The following ASPHD2 variants were observed in gnomAD, a reference collection of about 807,000 sequenced individuals.
ASPHD2 encodes the protein aspartate beta-hydroxylase domain containing 2.
ASPHD2 carries 12 observed loss-of-function variants against 34.6 expected under a neutral mutation model. The ratio of observed to expected loss-of-function variants is 0.35; its 90% confidence interval spans 0.22 to 0.56. The LOEUF (loss-of-function observed/expected upper bound fraction) is 0.56, where lower values mean the gene tolerates loss of function less well. Ranked by LOEUF, ASPHD2 falls within the 20% of genes least tolerant of loss-of-function variation. The probability of loss-of-function intolerance (pLI) is 0.87; values close to 1 mark genes in which losing one functional copy is unlikely to be tolerated. For missense variants in ASPHD2, 375 were observed against 505.0 expected, an observed-to-expected ratio of 0.74 and a Z score of 2.47; for synonymous variants, 224 against 212.2, an observed-to-expected ratio of 1.06 and a Z score of -0.48.
At position 26,443,334 on chromosome 22, in the gene ASPHD2, G is replaced by T. The variant is rs923010241; in HGVS notation, c.*128G>T. The T allele has an allele frequency of 2.0e-5, 15 of 733,066 alleles. No homozygotes were observed. The African/African-American group carries it at 2.7e-4, about 13-fold the overall frequency. 45.4% of individuals were successfully genotyped at this position (733,066 alleles called of 1,614,324 possible). ...CTGCCTCAGCGGAAAGCTCTTATTTGGGATTTTATATCATGTCGGGTCCCT... is the reference window on the plus strand; with the variant it reads ...CTGCCTCAGCGGAAAGCTCTTATTTTGGATTTTATATCATGTCGGGTCCCT... On this transcript the variant is annotated 3_prime_UTR_variant, in exon 4 of 4. Coordinates refer to ENST00000215906, the MANE Select transcript of ASPHD2 (RefSeq NM_020437.5).
chr22:26,443,050 C>A, intron 3 of ASPHD2, 47 bp from the exon 4 acceptor site: 1 of 1,418,682 alleles, frequency 7.0e-7, no homozygotes, highest in Non-Finnish European at 1.0e-6. Context: ...TGGGTCCTGA[C>A]TCCAGGGTGG....
chr22:26,430,193 C>A (rs1463155093), intron 1 of ASPHD2, among the ~76,000 whole-genome samples: 2 of 152,246 alleles, frequency 1.3e-5, no homozygotes, highest in Non-Finnish European at 2.9e-5. Flanking sequence ...GTGCTGCTCA[C>A]TGGGGGGCTT....
intron 2 of ASPHD2, among the ~76,000 whole-genome samples, chr22:26,434,921 C>T (rs931547058): frequency 4.6e-5 from 7 of 152,164 alleles, no homozygotes; most frequent in African/African-American, 1.7e-4. Context: ...GAGCCAAAGA[C>T]TTGTTAAAAT....
chr22:26,439,566 T>C (rs542980571), intron 2 of ASPHD2, among the ~76,000 whole-genome samples: 1 of 152,322 alleles, frequency 6.6e-6, no homozygotes, highest in African/African-American at 2.4e-5. Context: ...TTTTAGCAGG[T>C]CATTTAACTT....
chr22:26,435,811 A>C (rs1241688778), intron 2 of ASPHD2, among the ~76,000 whole-genome samples: 1 of 152,190 alleles, frequency 6.6e-6, no homozygotes, highest in Non-Finnish European at 1.5e-5. Context: ...TTCAAGAGTA[A>C]AGGGCGGACT....
chr22:26,434,192 C>G lies in ASPHD2; in HGVS notation c.577C>G (p.Arg193Gly), dbSNP rs770815305. 1.4e-5 allele frequency: 22 copies of G among 1,613,496 alleles called. No homozygotes were observed. The highest frequency in any genetic ancestry group is 1.8e-5 in the Non-Finnish European group (21 of 1,179,860). Residue 193 changes from arginine to glycine, a missense_variant, in exon 2 of 4, where the codon CGG becomes GGG. By Grantham distance (125) the Arg-to-Gly change is moderately radical (BLOSUM62 -2). Transcript: ENST00000215906. ...AQKHDVEVLE[R>G]NFQTILCEFE... ...GAAACATGATGTGGAAGTGCTGGAACGGAACTTCCAGACCATCCTGTGTGA... is the reference window on the plus strand; with the variant it reads ...GAAACATGATGTGGAAGTGCTGGAAGGGAACTTCCAGACCATCCTGTGTGA...
rs186944778 is a variant in ASPHD2, at chr22:26,434,529, G to A, written c.886+28G>A. ...ATGTTGCAAGGACAGGGGTCTCCCG[G>A]CATGCACATTTGCAAGCTCAGCCCC... On this transcript the variant is annotated intron_variant, in intron 2 of 3. Coordinates refer to ENST00000215906, the MANE Select transcript of ASPHD2 (RefSeq NM_020437.5). 1,037 of 1,536,442 alleles carry A rather than the reference G, an allele frequency of 6.7e-4. 6 individuals are homozygous for A. In the African/African-American group the frequency reaches 8.4e-3, roughly 12 times the overall value.
At chr22:26,442,857 C>T (rs761311872) in intron 3 of ASPHD2, among the ~76,000 whole-genome samples, 88 of 152,122 alleles carry the variant, frequency 5.8e-4, no homozygotes, top group Admixed American at 2.9e-3. Context: ...GTTTCACTGC[C>T]GTAAAAATTC....
At chr22:26,437,232 G>A (rs2084798061) in intron 2 of ASPHD2, among the ~76,000 whole-genome samples, 1 of 152,218 alleles carries the variant, frequency 6.6e-6, no homozygotes, top group Non-Finnish European at 1.5e-5. Context: ...TGGTTACCTG[G>A]CTGAAGGTAG....
rs781255273 is a variant in ASPHD2, at chr22:26,442,578, T to G, written c.1000+6T>G. 6.4e-7 allele frequency: 1 copy of G among 1,570,386 alleles called. No homozygotes were observed. The highest frequency in any genetic ancestry group is 8.7e-7 in the Non-Finnish European group (1 of 1,154,152). ...GCATGCTGCGTTCCATGAAGGTGAG[T>G]GGCTGCCTTTCCCACTTCCTTTTTT... On this transcript the variant is annotated splice_donor_region_variant and intron_variant, in intron 3 of 3. Coordinates refer to ENST00000215906, the MANE Select transcript of ASPHD2 (RefSeq NM_020437.5).
chr22:26,433,930 C>G lies in ASPHD2; in HGVS notation c.315C>G (p.Tyr105Ter). 6.2e-7 allele frequency: 1 copy of G among 1,613,548 alleles called. No individual in the cohort carries two copies. Among genetic ancestry groups the G allele is most frequent in the Non-Finnish European group, 8.5e-7 (1 of 1,180,040 alleles). ...AADANGLQNG[Y>*]VYCQSPECVR... Reference sequence around the variant, plus strand: ...ATGCCAACGGGCTGCAGAATGGCTACGTGTACTGCCAGTCCCCTGAGTGCG... The same window carrying G: ...ATGCCAACGGGCTGCAGAATGGCTAGGTGTACTGCCAGTCCCCTGAGTGCG... Residue 105 changes from tyrosine (Y) to a stop codon, truncating the protein, a stop_gained, in exon 2 of 4, where the codon TAC becomes TAG. Transcript: ENST00000215906. LOFTEE classifies it high-confidence loss of function. This position sits in a 1 kb window ranked among gnomAD's most constrained non-coding sequence, Gnocchi z 5.1.
rs765328686 is a variant in ASPHD2, at chr22:26,433,683, A to C, written c.68A>C (p.Asp23Ala). 4.0e-5 allele frequency: 64 copies of C among 1,613,122 alleles called. No homozygotes were observed. The highest frequency in any genetic ancestry group is 5.3e-5 in the Non-Finnish European group (63 of 1,179,852). ...CLTLLHTPSK[D>A]SPKMSLEWLV... ...ACCTTGCTTCACACGCCCAGTAAGG[A>C]CTCCCCCAAGATGTCGCTCGAGTGG... The change falls in exon 2 of 4, where the codon GAC (aspartate) becomes GCC (alanine). Residue 23 changes from aspartate to alanine, a missense_variant. Physicochemically the swap from Asp to Ala is moderately radical, Grantham distance 126. This residue lies in a region of ASPHD2 where 223 missense variants were observed against 257.8 expected (regional missense o/e 0.87). Transcript: ENST00000215906. The surrounding 1 kb of genome is among the most constrained non-coding windows in gnomAD (Gnocchi z 5.1).
chr22:26,443,093 C>G lies in ASPHD2; in HGVS notation c.1001-4C>G, dbSNP rs75079091. Reference sequence around the variant, plus strand: ...CTGTCCTCTCACCCCTCCTTCCCCCCCAGGTTCAGCAGAGGATGGCCCACG... The same window carrying G: ...CTGTCCTCTCACCCCTCCTTCCCCCGCAGGTTCAGCAGAGGATGGCCCACG... On this transcript the variant is annotated splice_region_variant and splice_polypyrimidine_tract_variant and intron_variant, in intron 3 of 3. Transcript: ENST00000215906. 9.7e-5 allele frequency: 156 copies of G among 1,611,920 alleles called. No homozygotes were observed. Among genetic ancestry groups the G allele is most frequent in the Middle Eastern group, 3.3e-4 (2 of 6,082 alleles).
intron 2 of ASPHD2, among the ~76,000 whole-genome samples, chr22:26,436,827 G>C (rs1370052632): frequency 1.4e-5 from 2 of 147,604 alleles, no homozygotes; most frequent in African/African-American, 5.1e-5. Flanking sequence ...TTGTTCATCT[G>C]TATGATATGC....
intron 2 of ASPHD2, among the ~76,000 whole-genome samples, chr22:26,437,677 A>G (rs545601967): frequency 6.6e-6 from 1 of 152,056 alleles, no homozygotes; most frequent in Non-Finnish European, 1.5e-5. Flanking sequence ...TCTGCATGTC[A>G]TCAGATTTCT....
chr22:26,436,082 G>T (rs1283339102), intron 2 of ASPHD2, among the ~76,000 whole-genome samples: 1 of 152,212 alleles, frequency 6.6e-6, no homozygotes, highest in African/African-American at 2.4e-5. Context: ...TGTGAAAAAT[G>T]ATCCATAAGA....
At position 26,433,759 on chromosome 22, in the gene ASPHD2, C is replaced by A. The variant is rs150944010; in HGVS notation, c.144C>A (p.Thr48=). The change falls in exon 2 of 4, where the codon ACC becomes ACA. Residue 48 remains threonine, a synonymous_variant. Transcript: ENST00000215906. The surrounding 1 kb of genome is among the most constrained non-coding windows in gnomAD (Gnocchi z 5.1). ...SLDGLRDCIA[T]GIQSVRDCDT... ...ATGGCCTGAGGGACTGCATCGCCAC[C>A]GGCATCCAGTCCGTGCGGGACTGCG... 6.2e-7 allele frequency: 1 copy of A among 1,613,762 alleles called. No homozygotes were observed. Among genetic ancestry groups the A allele is most frequent in the East Asian group, 2.2e-5 (1 of 44,888 alleles).
intron 2 of ASPHD2, among the ~76,000 whole-genome samples, chr22:26,440,915 C>T (rs1418783197): frequency 1.3e-5 from 2 of 152,196 alleles, no homozygotes; most frequent in African/African-American, 2.4e-5. Flanking sequence ...TTCTGGGGGT[C>T]CCCTGGTTAG....
At position 26,443,324 on chromosome 22, in the gene ASPHD2, G is replaced by T; in HGVS notation, c.*118G>T. 2.5e-6 allele frequency: 2 copies of T among 797,630 alleles called. No homozygotes were observed. Among genetic ancestry groups the T allele is most frequent in the South Asian group, 1.6e-5 (1 of 60,794 alleles). The allele number at this position is 797,630 out of a possible 1,614,324, so 49.4% of individuals were successfully genotyped here. A position where few individuals can be genotyped will look rare whatever the true frequency, so the allele number is the denominator to read the frequency against. ...GCTCAGAAACCTGCCTCAGCGGAAA[G>T]CTCTTATTTGGGATTTTATATCATG... On this transcript the variant is annotated 3_prime_UTR_variant, in exon 4 of 4. Transcript: ENST00000215906.
Sources: allele counts gnomAD v4.1 joint callset (sites outside exome capture counted in the v4.1 genomes callset), GRCh38; gene constraint gnomAD v4.1.1; regional missense constraint gnomAD v4.1.1; non-coding constraint Gnocchi (gnomAD v3.1); transcripts MANE v1.5; gene names NCBI Gene and HGNC (gene_info 2026-07-23, HGNC 2026-07-21).